Variants in ADIPOR2 observed in about 807,000 individuals in gnomAD.
ADIPOR2 encodes adiponectin receptor 2.
Under a neutral mutation model 40.9 loss-of-function variants are expected in ADIPOR2, and 18 were observed. That is an observed-to-expected ratio of 0.44 (90% confidence interval 0.30 to 0.65). ADIPOR2 has a LOEUF of 0.65. ADIPOR2 is among the 30% of genes least tolerant of loss of function. The probability of loss-of-function intolerance (pLI) is 0.09; values close to 1 mark genes in which losing one functional copy is unlikely to be tolerated. For missense variants in ADIPOR2, 283 were observed against 479.2 expected (o/e 0.59, Z 3.82); for synonymous variants, 165 against 166.4 (o/e 0.99, Z 0.06).
chr12:1,694,303 A>G (rs1170169992), intron 1 of ADIPOR2, among the ~76,000 whole-genome samples: 1 of 152,216 alleles, frequency 6.6e-6, no homozygotes, highest in Non-Finnish European at 1.5e-5. Flanking sequence ...GAAAGTTTAG[A>G]CAGTCCAGAG....
chr12:1,720,905 G>A (rs985586917), intron 1 of ADIPOR2, among the ~76,000 whole-genome samples: 31 of 152,302 alleles, frequency 2.0e-4, no homozygotes, highest in African/African-American at 7.0e-4. Flanking sequence ...TCTGCTCACT[G>A]AGATAGATAC....
At chr12:1,694,317 T>C (rs919863589) in intron 1 of ADIPOR2, among the ~76,000 whole-genome samples, 7 of 152,212 alleles carry the variant, frequency 4.6e-5, no homozygotes, top group Admixed American at 2.6e-4. Flanking sequence ...TCCAGAGATA[T>C]ACTGTCATCC....
chr12:1,710,827 C>T lies in ADIPOR2; in HGVS notation c.-87+19636C>T, dbSNP rs138142820. On this transcript the variant is annotated intron_variant, in intron 1 of 7. Transcript: ENST00000357103. ...TCCTTGGTAGAAGTTGTTAGTTGAA[C>T]TCATTTGGGGTTCCATTTGTAAGAC... Among the ~76,000 whole-genome samples, 346 of 152,210 alleles carry T rather than the reference C, an allele frequency of 2.3e-3. 2 individuals carry two copies. Among genetic ancestry groups the T allele is most frequent in the African/African-American group, 7.9e-3 (326 of 41,470 alleles).
chr12:1,728,098 T>C (rs1216721380), intron 1 of ADIPOR2, among the ~76,000 whole-genome samples: 1 of 151,780 alleles, frequency 6.6e-6, no homozygotes, highest in Non-Finnish European at 1.5e-5. Context: ...CTATCAGCTG[T>C]TTTCTGTTTG....
At chr12:1,718,049 C>T (rs940866510) in intron 1 of ADIPOR2, among the ~76,000 whole-genome samples, 1 of 151,826 alleles carries the variant, frequency 6.6e-6, no homozygotes, top group Non-Finnish European at 1.5e-5. Flanking sequence ...CTTCATTTAC[C>T]GTAATAGCAT....
chr12:1,753,388 A>G (rs775728316), intron 1 of ADIPOR2, among the ~76,000 whole-genome samples: 56 of 152,268 alleles, frequency 3.7e-4, no homozygotes, highest in Non-Finnish European at 6.5e-4. Context: ...TCCAGTTTAG[A>G]GAGAAATTAA....
intron 1 of ADIPOR2, among the ~76,000 whole-genome samples, chr12:1,726,830 C>T (rs1364590576): frequency 6.6e-6 from 1 of 152,158 alleles, no homozygotes; most frequent in African/African-American, 2.4e-5. Flanking sequence ...TACTCCATTT[C>T]CAAAAAGAAA....
intron 1 of ADIPOR2, among the ~76,000 whole-genome samples, chr12:1,741,517 C>G (rs1170708873): frequency 6.6e-6 from 1 of 152,004 alleles, no homozygotes; most frequent in Non-Finnish European, 1.5e-5. Flanking sequence ...ATAGTGTTAG[C>G]AAATCAGATA....
chr12:1,744,612 C>T (rs1399115604), intron 1 of ADIPOR2, among the ~76,000 whole-genome samples: 1 of 152,212 alleles, frequency 6.6e-6, no homozygotes, highest in Non-Finnish European at 1.5e-5. Context: ...GCTGGGATTA[C>T]AGGTGTGAGC....
chr12:1,733,383 C>T (rs942802897), intron 1 of ADIPOR2, among the ~76,000 whole-genome samples: 8 of 152,060 alleles, frequency 5.3e-5, no homozygotes, highest in African/African-American at 1.7e-4. Context: ...GGTGGAGAAA[C>T]TGAGGCTTCC....
chr12:1,743,242 A>AAAAAAC (rs1555169155), intron 1 of ADIPOR2, among the ~76,000 whole-genome samples: 1 of 134,560 alleles, frequency 7.4e-6, no homozygotes, highest in Non-Finnish European at 1.6e-5. Flanking sequence ...AAAAAAAAAA[A>AAAAAAC]AAAACAAAGC....
At chr12:1,771,858 A>G (rs569861706) in intron 2 of ADIPOR2, among the ~76,000 whole-genome samples, 1 of 152,332 alleles carries the variant, frequency 6.6e-6, no homozygotes, top group South Asian at 2.1e-4. Flanking sequence ...TACATACGGA[A>G]TTATGGTTCT....
chr12:1,772,859 A>T lies in ADIPOR2; in HGVS notation c.189A>T (p.Glu63Asp), dbSNP rs758201501. ...SHHKKSSEEHEYSDEAPQEDE... is the reference protein window; with the variant it reads ...SHHKKSSEEHDYSDEAPQEDE... ...CCTTGCAGAGCTCTGAGGAACATGA[A>T]TACAGTGATGAAGCTCCTCAGGAAG... Residue 63 changes from glutamate (E) to aspartate (D), a missense_variant, in exon 3 of 8, where the codon GAA (glutamate) becomes GAT (aspartate). Physicochemically the swap from Glu to Asp is conservative, Grantham distance 45. This residue lies in a region of ADIPOR2 where 65 missense variants were observed against 79.9 expected (regional missense o/e 0.81). Coordinates refer to ENST00000357103, the MANE Select transcript of ADIPOR2 (RefSeq NM_024551.3). The T allele has an allele frequency of 6.2e-7, 1 of 1,613,056 alleles. No individual in the cohort carries two copies. The highest frequency in any genetic ancestry group is 1.1e-5 in the South Asian group (1 of 90,702).
intron 2 of ADIPOR2, among the ~76,000 whole-genome samples, chr12:1,760,029 G>GAAAAC (rs1173680609): frequency 7.9e-5 from 12 of 151,384 alleles, no homozygotes; most frequent in Non-Finnish European, 1.5e-4. Context: ...CTGTCTCGGG[G>GAAAAC]AAAACAAAAC....
At position 1,784,088 on chromosome 12, in the gene ADIPOR2, G is replaced by T. The variant is rs760355649; in HGVS notation, c.1032+15G>T. On this transcript the variant is annotated intron_variant, in intron 7 of 7. Coordinates refer to ENST00000357103, the MANE Select transcript of ADIPOR2 (RefSeq NM_024551.3). ...GTGACATCTGGGTAAGTATGTCGGG[G>T]TGACTGAGTGTGTAGGTATCTGCTC... 1.3e-6 allele frequency: 2 copies of T among 1,558,398 alleles called. No individual in the cohort carries two copies. The highest frequency in any genetic ancestry group is 2.3e-5 in the East Asian group (1 of 43,548).
chr12:1,696,831 TG>T (rs1486762043), intron 1 of ADIPOR2: 17 of 154,168 alleles, frequency 1.1e-4, no homozygotes, highest in Non-Finnish European at 2.9e-5. Context: ...TGTTTTATAC[TG>T]GGACAGGTCT....
chr12:1,704,401 A>G (rs1447118386), intron 1 of ADIPOR2, among the ~76,000 whole-genome samples: 4 of 152,184 alleles, frequency 2.6e-5, no homozygotes, highest in African/African-American at 9.7e-5. Flanking sequence ...ATTAGATTGC[A>G]CTTTCTTTCT....
In ADIPOR2 at chr12:1,754,268, C is replaced by A; in HGVS notation, c.-76C>A. 1.4e-6 allele frequency: 2 copies of A among 1,381,894 alleles called. No homozygotes were observed. The highest frequency in any genetic ancestry group is 1.9e-5 in the South Asian group (1 of 52,084). 85.6% of individuals were successfully genotyped at this position (1,381,894 alleles called of 1,614,324 possible). ...CTTTCATCTTCTTAGGATCAACTCA[C>A]TATCCTGAAGGTCCATTCTCCCAAG... On this transcript the variant is annotated 5_prime_UTR_variant, in exon 2 of 8. Transcript: ENST00000357103.
At chr12:1,711,755 G>A (rs1377047755) in intron 1 of ADIPOR2, among the ~76,000 whole-genome samples, 1 of 151,202 alleles carries the variant, frequency 6.6e-6, no homozygotes, top group Admixed American at 6.6e-5. Flanking sequence ...GTCTTTCCCT[G>A]CCTCTGCCAG....
Sources: allele counts gnomAD v4.1 joint callset (sites outside exome capture counted in the v4.1 genomes callset), GRCh38; gene constraint gnomAD v4.1.1; regional missense constraint gnomAD v4.1.1; transcripts MANE v1.5; gene names NCBI Gene and HGNC (gene_info 2026-07-23, HGNC 2026-07-21).